The following FBN3 variants were observed in gnomAD, a reference collection of about 807,000 sequenced individuals.
FBN3 encodes the protein fibrillin-3.
Under a neutral mutation model 330.1 loss-of-function variants are expected in FBN3, and 234 were observed. That is an observed-to-expected ratio of 0.71 (90% CI 0.64 to 0.79). FBN3 has a LOEUF of 0.79. FBN3 is among the 30% of genes least tolerant of loss of function. The pLI is 0.00. For missense variants in FBN3, 3,606 were observed against 3,886.9 expected, an observed-to-expected ratio of 0.93 and a Z score of 1.92; for synonymous variants, 1,458 against 1,517.3, an observed-to-expected ratio of 0.96 and a Z score of 0.91.
chr19:8,128,808 G>A (rs530733416), intron 18 of FBN3, among the ~76,000 whole-genome samples: 109 of 152,248 alleles, frequency 7.2e-4, no homozygotes, highest in Middle Eastern at 3.4e-3. Context: ...GTTTCTGAGC[G>A]TGTGCATGTG....
At position 8,108,447 on chromosome 19, in the gene FBN3, G is replaced by A. The variant is rs573884189; in HGVS notation, c.4619-209C>T. ...TGCTTGCGTGTGTGTGTGCATGTGC[G>A]TGTGCATGCGTGTGTGTGTGTAAAT... On this transcript the variant is annotated intron_variant, in intron 36 of 63. Coordinates refer to ENST00000600128, the MANE Select transcript of FBN3 (RefSeq NM_032447.5). Among the ~76,000 whole-genome samples the A allele has an allele frequency of 3.9e-5, 6 of 152,144 alleles. No individual in the cohort carries two copies. The South Asian group carries it at 6.2e-4, about 16-fold the overall frequency.
At chr19:8,134,672 G>A (rs185316715) in intron 13 of FBN3, among the ~76,000 whole-genome samples, 39 of 152,258 alleles carry the variant, frequency 2.6e-4, no homozygotes, top group Non-Finnish European at 2.9e-4. Context: ...AATGGCTCAC[G>A]CCTGTAATCT....
Position 8,146,238 on chromosome 19 carries a change from A to G in FBN3, c.251-13T>C. The G allele has an allele frequency of 1.3e-6, 2 of 1,576,958 alleles. No homozygotes were observed. The highest frequency in any genetic ancestry group is 1.7e-6 in the Non-Finnish European group (2 of 1,162,374). On this transcript the variant is annotated splice_polypyrimidine_tract_variant and intron_variant, in intron 3 of 63. Coordinates refer to ENST00000600128, the MANE Select transcript of FBN3 (RefSeq NM_032447.5). Reference sequence around the variant, plus strand: ...CGCCTACAGATGGCTGGATGAGTGCAGCGGGTGGCAGTCAAGACCAGGACC... The same window carrying G: ...CGCCTACAGATGGCTGGATGAGTGCGGCGGGTGGCAGTCAAGACCAGGACC...
In FBN3 at chr19:8,129,180, G is replaced by C; in HGVS notation, c.2171-27C>G. 6.2e-7 allele frequency: 1 copy of C among 1,612,202 alleles called. No individual in the cohort carries two copies. The highest frequency in any genetic ancestry group is 1.1e-5 in the South Asian group (1 of 90,862). On this transcript the variant is annotated intron_variant, in intron 17 of 63. Coordinates refer to ENST00000600128, the MANE Select transcript of FBN3 (RefSeq NM_032447.5). This position sits in a 1 kb window ranked among gnomAD's most constrained non-coding sequence, Gnocchi z 4.5. ...TGTGGGGTGGGGGTGGGAGAGAGGG[G>C]TGAGGGGTCTGCAGTGGGAGAGGCT...
chr19:8,107,330 G>T (rs111067251), intron 37 of FBN3, among the ~76,000 whole-genome samples: 2 of 142,678 alleles, frequency 1.4e-5, no homozygotes, highest in Admixed American at 1.4e-4. Flanking sequence ...GGGATAAATG[G>T]GTGAATGGAT....
Position 8,109,813 on chromosome 19 carries a change from A to G in FBN3, c.4334-60T>C. On this transcript the variant is annotated intron_variant, in intron 34 of 63. Transcript: ENST00000600128. The surrounding 1 kb of genome is among the most constrained non-coding windows in gnomAD (Gnocchi z 5.2). ...CCCTTCCTCGGCCCCCCTCCCTCCT[A>G]GCTTCATCCTGGGAAGCTACAGCCC... The G allele has an allele frequency of 7.0e-7, 1 of 1,437,770 alleles. No individual in the cohort carries two copies. The highest frequency in any genetic ancestry group is 1.7e-5 in the South Asian group (1 of 60,178). 89.1% of individuals were successfully genotyped at this position (1,437,770 alleles called of 1,614,324 possible). A position where few individuals can be genotyped will look rare whatever the true frequency, so the allele number is the denominator to read the frequency against.
rs759511395 is a variant in FBN3, at chr19:8,117,585, G to A, written c.3342C>T (p.Ile1114=). The part of the protein sequence containing the change: ...LTAKGTACED[I]DECSLSDGLC... Reference sequence around the variant, plus strand: ...GGCCATCACTCAGGGAGCACTCATCGATGTCTGTGGGGGAGTGCAGGTGAA... The same window carrying A: ...GGCCATCACTCAGGGAGCACTCATCAATGTCTGTGGGGGAGTGCAGGTGAA... The change falls in exon 27 of 64, where the codon ATC becomes ATT. Residue 1114 remains isoleucine, a synonymous_variant. Coordinates refer to ENST00000600128, the MANE Select transcript of FBN3 (RefSeq NM_032447.5). 142 of 1,546,796 alleles carry A rather than the reference G, an allele frequency of 9.2e-5. No individual in the cohort carries two copies. Among genetic ancestry groups the A allele is most frequent in the Admixed American group, 2.9e-4 (15 of 51,004 alleles).
In FBN3 at chr19:8,088,005, C is replaced by A. The variant is rs568028379; in HGVS notation, c.6496+55G>T. On this transcript the variant is annotated intron_variant, in intron 52 of 63. Coordinates refer to ENST00000600128, the MANE Select transcript of FBN3 (RefSeq NM_032447.5). ...GGGACTGAGGGCGGGACCTCCACTC[C>A]CTCCCCCAGGCATCTCCGTCACACG... 57 of 1,614,020 alleles carry A rather than the reference C, an allele frequency of 3.5e-5. No individual in the cohort carries two copies. The Admixed American group carries it at 9.3e-4, about 26-fold the overall frequency.
chr19:8,129,369 C>A lies in FBN3; in HGVS notation c.2045-4G>T, dbSNP rs201275466. On this transcript the variant is annotated splice_polypyrimidine_tract_variant and splice_region_variant and intron_variant, in intron 16 of 63. Coordinates refer to ENST00000600128, the MANE Select transcript of FBN3 (RefSeq NM_032447.5). The surrounding 1 kb of genome is among the most constrained non-coding windows in gnomAD (Gnocchi z 4.5). The stretch of plus-strand genomic sequence containing the variant: ...TCCAGAGCACACTCGTTGATGTCTG[C>A]GGCAGGAGGAGGGTGTGTCAGCAGC... 2.5e-6 allele frequency: 4 copies of A among 1,613,514 alleles called. No homozygotes were observed. The Admixed American group carries it at 5.0e-5, about 20-fold the overall frequency.
At chr19:8,106,074 A>G in intron 38 of FBN3, 34 bp downstream of exon 38, 1 of 1,612,354 alleles carries the variant, frequency 6.2e-7, no homozygotes, top group Non-Finnish European at 8.5e-7. Flanking sequence ...AGAGCGGAAG[A>G]GCCTGACCCA....
intron 41 of FBN3, 122 bp downstream of exon 41, chr19:8,100,779 G>A (rs557535908): frequency 2.1e-5 from 15 of 699,964 alleles, no homozygotes; most frequent in African/African-American, 1.9e-4. Flanking sequence ...TGTGTGGAGC[G>A]AGGAGGAGGG....
At chr19:8,071,852 C>A (rs2081519799) in intron 63 of FBN3, among the ~76,000 whole-genome samples, 196 bp downstream of exon 63, 1 of 30,290 alleles carries the variant, frequency 3.3e-5, no homozygotes, top group Admixed American at 2.7e-4. Context: ...CCCCAGAGAC[C>A]CCCCCCAAGA....
intron 18 of FBN3, among the ~76,000 whole-genome samples, chr19:8,127,708 G>A (rs1187689788): frequency 6.6e-6 from 1 of 152,218 alleles, no homozygotes; most frequent in African/African-American, 2.4e-5. Context: ...CACAGGCTGG[G>A]CGCTGTGGCT....
chr19:8,135,936 G>GGGGGGGGGGGGGGGCGC, intron 13 of FBN3, 25 bp downstream of exon 13: 8 of 668,772 alleles, frequency 1.2e-5, no homozygotes, highest in South Asian at 3.2e-5. Flanking sequence ...GGAAGCCCCT[G>GGGGGGGGGGGGGGGCGC]CCCACCCGCC....
chr19:8,093,363 C>T (rs983424942), intron 47 of FBN3, among the ~76,000 whole-genome samples: 5 of 152,104 alleles, frequency 3.3e-5, no homozygotes, highest in Admixed American at 6.5e-5. Flanking sequence ...ATGGCTCATG[C>T]CTGTAATCCC....
intron 25 of FBN3, among the ~76,000 whole-genome samples, chr19:8,119,909 C>T (rs1393119579): frequency 6.7e-6 from 1 of 149,054 alleles, no homozygotes; most frequent in Non-Finnish European, 1.5e-5. Context: ...CAGCCTCCAC[C>T]TCCTGTGTTC....
rs2082376718 is a variant in FBN3, at chr19:8,103,634, T to C, written c.4867A>G (p.Asn1623Asp). The part of the protein sequence containing the change: ...SGICGPGTCY[N>D]TLGNYTCVCP... ...ACACAGGTGTAGTTCCCCAGGGTGTTGTAGCAGGTGCCAGGGCCACAGATG... is the reference window on the plus strand; with the variant it reads ...ACACAGGTGTAGTTCCCCAGGGTGTCGTAGCAGGTGCCAGGGCCACAGATG... Residue 1623 changes from asparagine (N) to aspartate (D), a missense_variant, in exon 39 of 64, where the codon AAC becomes GAC. Transcript: ENST00000600128. The C allele has an allele frequency of 2.5e-6, 4 of 1,613,642 alleles. No individual in the cohort carries two copies. Among genetic ancestry groups the C allele is most frequent in the South Asian group, 2.2e-5 (2 of 91,070 alleles).
intron 6 of FBN3, among the ~76,000 whole-genome samples, chr19:8,144,303 G>A (rs371080897): frequency 2.0e-5 from 3 of 152,080 alleles, no homozygotes; most frequent in Admixed American, 6.6e-5. Context: ...AGGCTGAAGC[G>A]GGAGGATTGG....
intron 6 of FBN3, 50 bp from the exon 7 acceptor site, chr19:8,142,187 G>A (rs755524551): frequency 6.9e-7 from 1 of 1,457,764 alleles, no homozygotes; most frequent in Admixed American, 1.9e-5. Flanking sequence ...CCCCTGTCTG[G>A]AGATCTCTGC....
Sources: allele counts gnomAD v4.1 joint callset (sites outside exome capture counted in the v4.1 genomes callset), GRCh38; gene constraint gnomAD v4.1.1; non-coding constraint Gnocchi (gnomAD v3.1); transcripts MANE v1.5; gene names NCBI Gene and HGNC (gene_info 2026-07-23, HGNC 2026-07-21).